The following GRIA1 variants were observed in gnomAD, a reference collection of about 807,000 sequenced individuals.
GRIA1 encodes glutamate ionotropic receptor AMPA type subunit 1, also known as glutamate receptor 1.
Under a neutral mutation model 99.2 loss-of-function variants are expected in GRIA1, and 31 were observed. The observed-to-expected ratio is 0.31, with a 90% confidence interval of 0.23 to 0.42. The LOEUF (loss-of-function observed/expected upper bound fraction) is 0.42. Ranked by LOEUF, GRIA1 falls within the 10% of genes least tolerant of loss-of-function variation. The probability of loss-of-function intolerance (pLI) is 1.00; values close to 1 mark genes in which losing one functional copy is unlikely to be tolerated. For missense variants in GRIA1, 782 were observed against 1,157.5 expected (o/e 0.68, Z 4.71); for synonymous variants, 438 against 432.4 (o/e 1.01, Z -0.16).
chr5:153,653,172 C>T (rs1460889799), intron 4 of GRIA1, among the ~76,000 whole-genome samples: 1 of 152,118 alleles, frequency 6.6e-6, no homozygotes, highest in African/African-American at 2.4e-5. Context: ...ACATTCTTTT[C>T]AGTGAATTAA....
chr5:153,801,408 G>A (rs1766017773), intron 14 of GRIA1, among the ~76,000 whole-genome samples: 1 of 151,210 alleles, frequency 6.6e-6, no homozygotes. Flanking sequence ...GAACTCCACT[G>A]GAGGTGACAG....
At chr5:153,500,152 T>C (rs1216551581) in intron 2 of GRIA1, among the ~76,000 whole-genome samples, 1 of 152,190 alleles carries the variant, frequency 6.6e-6, no homozygotes, top group Non-Finnish European at 1.5e-5. Context: ...CTTGTAAACA[T>C]TTCTTTCCCT....
At chr5:153,574,360 T>A (rs1077278) in intron 2 of GRIA1, 1 of 152,078 alleles carries the variant, frequency 6.6e-6, no homozygotes, top group African/African-American at 2.4e-5. Flanking sequence ...GTTCAGTGGC[T>A]GGTAACTGAA....
intron 2 of GRIA1, among the ~76,000 whole-genome samples, chr5:153,498,899 T>C (rs1480038253): frequency 6.6e-6 from 1 of 152,204 alleles, no homozygotes; most frequent in African/African-American, 2.4e-5. Flanking sequence ...TTATGTTGTT[T>C]GGGCAGGCCT....
intron 1 of GRIA1, 116 bp downstream of exon 1, chr5:153,491,086 C>G: frequency 8.8e-7 from 1 of 1,130,046 alleles, no homozygotes; most frequent in Non-Finnish European, 1.3e-6. Flanking sequence ...CTCCCTAAAG[C>G]TGTGCTGCGG....
At chr5:153,660,010 ACTC>A (rs1181943465) in intron 5 of GRIA1, among the ~76,000 whole-genome samples, 5 of 152,144 alleles carry the variant, frequency 3.3e-5, no homozygotes, top group African/African-American at 1.2e-4. Context: ...ATGTCATAAT[ACTC>A]CTATGAAGTA....
intron 11 of GRIA1, among the ~76,000 whole-genome samples, chr5:153,758,818 G>T (rs1289120365): frequency 1.3e-5 from 2 of 151,814 alleles, no homozygotes; most frequent in Non-Finnish European, 2.9e-5. Flanking sequence ...TAGAAAACGA[G>T]TATATCACAT....
intron 5 of GRIA1, among the ~76,000 whole-genome samples, chr5:153,656,188 A>T (rs1201389269): frequency 6.6e-6 from 1 of 152,066 alleles, no homozygotes; most frequent in East Asian, 1.9e-4. Context: ...CTTTGAATTA[A>T]TGCAAGATGT....
chr5:153,744,104 G>A lies in GRIA1; in HGVS notation c.1824-20330G>A, dbSNP rs142604491. Among the ~76,000 whole-genome samples the A allele has an allele frequency of 4.1e-3, 620 of 152,246 alleles. 9 individuals carry two copies. The highest frequency in any genetic ancestry group is 0.014 in the African/African-American group (586 of 41,548). On this transcript the variant is annotated intron_variant, in intron 11 of 15. Coordinates refer to ENST00000285900, the MANE Select transcript of GRIA1 (RefSeq NM_000827.4). Reference sequence around the variant, plus strand: ...TCTTTCAACTCAGAGCAGGCCCAGAGCCGGCTGTGTCTCCAATTATCTCCT... The same window carrying A: ...TCTTTCAACTCAGAGCAGGCCCAGAACCGGCTGTGTCTCCAATTATCTCCT...
intron 13 of GRIA1, among the ~76,000 whole-genome samples, chr5:153,791,828 A>G (rs1039092464): frequency 5.3e-5 from 8 of 152,002 alleles, no homozygotes; most frequent in Non-Finnish European, 1.0e-4. Flanking sequence ...AGGTGAGTTT[A>G]CCAAATAGCT....
chr5:153,775,992 C>T (rs887208010), intron 13 of GRIA1, among the ~76,000 whole-genome samples: 3 of 152,052 alleles, frequency 2.0e-5, no homozygotes, highest in Admixed American at 6.6e-5. Flanking sequence ...TGATTGGCTG[C>T]GGTCATATTG....
At position 153,623,304 on chromosome 5, in the gene GRIA1, G is replaced by A. The variant is rs142702765; in HGVS notation, c.221-23624G>A. Among the ~76,000 whole-genome samples, 496 of 152,268 alleles carry A rather than the reference G, an allele frequency of 3.3e-3. 6 individuals carry two copies. Among genetic ancestry groups the A allele is most frequent in the African/African-American group, 0.011 (474 of 41,572 alleles). The stretch of plus-strand genomic sequence containing the variant: ...TATGTGTCATGCATTTGCCTACCCT[G>A]CAGTACAGAGTACTGCCTCCAGGAC... On this transcript the variant is annotated intron_variant, in intron 2 of 15. Transcript: ENST00000285900.
At chr5:153,783,450 C>T (rs969003949) in intron 13 of GRIA1, among the ~76,000 whole-genome samples, 1 of 152,190 alleles carries the variant, frequency 6.6e-6, no homozygotes, top group Non-Finnish European at 1.5e-5. Context: ...TTGACACCTG[C>T]TTCTCACAAT....
intron 11 of GRIA1, among the ~76,000 whole-genome samples, chr5:153,747,725 A>T (rs932534315): frequency 1.3e-5 from 2 of 152,234 alleles, no homozygotes; most frequent in Admixed American, 6.5e-5. Flanking sequence ...TGCCCTGCAG[A>T]GCCCAGTTAC....
intron 11 of GRIA1, among the ~76,000 whole-genome samples, chr5:153,727,452 G>T (rs1760643634): frequency 6.6e-6 from 1 of 152,348 alleles, no homozygotes; most frequent in Admixed American, 6.5e-5. Context: ...AATTGTCCCT[G>T]TGTGCAGATG....
At chr5:153,722,583 G>A (rs1045366764) in intron 11 of GRIA1, among the ~76,000 whole-genome samples, 4 of 152,162 alleles carry the variant, frequency 2.6e-5, no homozygotes, top group African/African-American at 9.7e-5. Context: ...TCTTCTTACT[G>A]TATACCACTT....
intron 5 of GRIA1, among the ~76,000 whole-genome samples, 165 bp from the exon 6 acceptor site, chr5:153,674,335 C>A (rs1244809943): frequency 6.7e-6 from 1 of 148,210 alleles, no homozygotes; most frequent in African/African-American, 2.4e-5. Context: ...ATTTTGTGCA[C>A]AAACTAAGTA....
At chr5:153,745,069 T>C (rs1762052822) in intron 11 of GRIA1, among the ~76,000 whole-genome samples, 1 of 152,220 alleles carries the variant, frequency 6.6e-6, no homozygotes, top group African/African-American at 2.4e-5. Flanking sequence ...GCCAATCATC[T>C]TGAACACATG....
At chr5:153,699,871 G>C (rs1185898395) in intron 10 of GRIA1, among the ~76,000 whole-genome samples, 1 of 152,058 alleles carries the variant, frequency 6.6e-6, no homozygotes, top group Non-Finnish European at 1.5e-5. Context: ...AAGCATTTGG[G>C]GAATTATTGA....
Sources: gnomAD v4.1 joint callset for allele counts (sites outside exome capture counted in the v4.1 genomes callset) on GRCh38, gnomAD v4.1.1 for gene constraint, MANE v1.5 for transcripts, NCBI Gene and HGNC (gene_info 2026-07-23, HGNC 2026-07-21) for gene names.